The following MADD variants were observed in gnomAD, a reference collection of about 807,000 sequenced individuals.
The protein encoded by MADD is MAP kinase-activating death domain protein.
In MADD, 109 loss-of-function variants were observed where a neutral mutation model predicts 176.7. That is an observed-to-expected ratio of 0.62 (90% confidence interval 0.53 to 0.72). The LOEUF (loss-of-function observed/expected upper bound fraction) is 0.72. MADD is among the 30% of genes least tolerant of loss of function. The pLI is 0.00. For missense variants in MADD, 1,914 were observed against 2,045.5 expected (o/e 0.94, Z 1.24); for synonymous variants, 771 against 771.3 (o/e 1.00, Z 0.01).
At chr11:47,293,144 T>C (rs897065189) in intron 19 of MADD, among the ~76,000 whole-genome samples, 4 of 152,100 alleles carry the variant, frequency 2.6e-5, no homozygotes, top group Non-Finnish European at 4.4e-5. Flanking sequence ...CAGCTGGTGT[T>C]TCTTATCTCA....
rs146167487 is a variant in MADD at position 47,290,759 on chromosome 11, G to C, written c.3244G>C (p.Gly1082Arg). 7.1e-4 allele frequency: 1,139 copies of C among 1,613,998 alleles called. 1 individual carries two copies. The highest frequency in any genetic ancestry group is 8.7e-4 in the Non-Finnish European group (1,024 of 1,179,920). Reference sequence around the variant, plus strand: ...TCGGGCACCAAGTGCCACAGGAAAGGGTCCTAAGGAACTGGACACCAGAAG... The same window carrying C: ...TCGGGCACCAAGTGCCACAGGAAAGCGTCCTAAGGAACTGGACACCAGAAG... Residue 1082 changes from glycine to arginine, a missense_variant, in exon 19 of 33, where the codon GGT becomes CGT. This residue lies in a region of MADD where 1,767 missense variants were observed against 1,836.0 expected (regional missense o/e 0.96). Transcript: ENST00000402192.
rs747155326 is a variant in MADD at position 47,284,467 on chromosome 11, C to T, written c.2059C>T (p.Pro687Ser). The T allele has an allele frequency of 3.1e-6, 5 of 1,614,058 alleles. No homozygotes were observed. In the Admixed American group the frequency reaches 8.3e-5, roughly 27 times the overall value. Residue 687 changes from proline to serine, a missense_variant, in exon 12 of 33, where the codon CCA (proline) becomes TCA (serine). By Grantham distance (74) the Pro-to-Ser change is moderately conservative. Transcript: ENST00000402192. Reference sequence around the variant, plus strand: ...TCAGAAGGAAGCAGAAGAGCCTGGCCCAGACAGTGAGAACTCTCAGGAAAA... The same window carrying T: ...TCAGAAGGAAGCAGAAGAGCCTGGCTCAGACAGTGAGAACTCTCAGGAAAA...
At chr11:47,323,696 G>A (rs547829964) in exon 28 of MADD, 5 of 1,613,830 alleles carry the variant, frequency 3.1e-6, no homozygotes, top group African/African-American at 2.7e-5. Context: ...GTGGTGTTGC[G>A]TAGTAACATC....
intron 22 of MADD, among the ~76,000 whole-genome samples, chr11:47,299,310 T>G (rs923343892): frequency 6.6e-6 from 1 of 152,120 alleles, no homozygotes; most frequent in Non-Finnish European, 1.5e-5. Context: ...GGTATATCTT[T>G]CCATTTTTTC....
chr11:47,289,576 T>C, intron 16 of MADD, 83 bp downstream of exon 17: 1 of 1,156,870 alleles, frequency 8.6e-7, no homozygotes, highest in Admixed American at 1.7e-5. Flanking sequence ...TGCTCAAGAG[T>C]GGGAGAGAAG....
At chr11:47,313,602 A>G (rs1002626858) in intron 26 of MADD, among the ~76,000 whole-genome samples, 4 of 152,076 alleles carry the variant, frequency 2.6e-5, no homozygotes, top group African/African-American at 4.8e-5. Context: ...CTAGGATTAC[A>G]GGCACCCAGC....
At chr11:47,288,196 A>G (rs1049157041) in intron 15 of MADD, among the ~76,000 whole-genome samples, 1 of 152,200 alleles carries the variant, frequency 6.6e-6, no homozygotes, top group Admixed American at 6.5e-5. Flanking sequence ...AGGCAGAGGC[A>G]GGAGGTTCAT....
chr11:47,282,071 T>C (rs1007467725), intron 8 of MADD, among the ~76,000 whole-genome samples: 1 of 151,802 alleles, frequency 6.6e-6, no homozygotes, highest in Non-Finnish European at 1.5e-5. Flanking sequence ...CTGACCTCAG[T>C]TGATCCACCC....
At chr11:47,278,415 A>G (rs2052655810) in intron 6 of MADD, 137 bp downstream of exon 6, 1 of 661,642 alleles carries the variant, frequency 1.5e-6, no homozygotes, top group Non-Finnish European at 2.6e-6. Context: ...ACTTACTGAA[A>G]CAAGTTTTTT....
At chr11:47,281,547 T>A (rs374433244) in intron 7 of MADD, 28 bp from the exon 8 acceptor site, 20 of 1,571,656 alleles carry the variant, frequency 1.3e-5, no homozygotes, top group Non-Finnish European at 1.7e-5. Context: ...ACGTTCCTTG[T>A]GTAAGGAATT....
intron 31 of MADD, 51 bp from the exon 36 acceptor site, chr11:47,328,607 T>C (rs2095716806): frequency 6.2e-7 from 1 of 1,613,300 alleles, no homozygotes; most frequent in South Asian, 1.1e-5. Flanking sequence ...CATGGCACGA[T>C]TGCTCTTAGT....
At chr11:47,271,236 CAA>C (rs1440908981) in intron 1 of MADD, 11 of 152,044 alleles carry the variant, frequency 7.2e-5, no homozygotes, top group African/African-American at 1.9e-4. Context: ...GTTGTGAAGA[CAA>C]GAGTGTGAGT....
chr11:47,307,030 T>A (rs1479195270), intron 22 of MADD, among the ~76,000 whole-genome samples: 1 of 151,870 alleles, frequency 6.6e-6, no homozygotes, highest in African/African-American at 2.4e-5. Flanking sequence ...GCCTCCCAAG[T>A]AGCTGGGACT....
exon 18 of MADD, chr11:47,290,169 C>T (rs142977882): frequency 8.1e-6 from 13 of 1,614,124 alleles, no homozygotes; most frequent in Middle Eastern, 3.3e-4. Context: ...GGAAGGTGTA[C>T]AAGGGAATGT....
chr11:47,320,008 A>C (rs1485846512), intron 27 of MADD, among the ~76,000 whole-genome samples: 2 of 151,314 alleles, frequency 1.3e-5, no homozygotes, highest in Non-Finnish European at 2.9e-5. Flanking sequence ...AAAAAAAAAA[A>C]AAAATTACAA....
chr11:47,296,056 G>A lies in MADD; in HGVS notation c.3642+1G>A. 1.2e-6 allele frequency: 2 copies of A among 1,609,880 alleles called. No homozygotes were observed. The highest frequency in any genetic ancestry group is 1.7e-6 in the Non-Finnish European group (2 of 1,178,864). ...CAACTCTGCCACAAGCACCATCTTTGTAAGCTTTGTTTATTAACAAAAGAA... is the reference window on the plus strand; with the variant it reads ...CAACTCTGCCACAAGCACCATCTTTATAAGCTTTGTTTATTAACAAAAGAA... On this transcript the variant is annotated splice_donor_variant, in intron 22 of 32. Coordinates refer to ENST00000402192, the Ensembl canonical transcript of MADD. LOFTEE classifies it high-confidence loss of function.
At chr11:47,279,459 ACTGCAAG>A (rs2054151617) in intron 7 of MADD, among the ~76,000 whole-genome samples, 1 of 139,560 alleles carries the variant, frequency 7.2e-6, no homozygotes, top group Non-Finnish European at 1.5e-5. Flanking sequence ...ATCTCGGCTC[ACTGCAAG>A]CTCTGCCTTC....
intron 13 of MADD, 67 bp from the exon 14 acceptor site, chr11:47,285,384 T>C: frequency 6.2e-7 from 1 of 1,603,362 alleles, no homozygotes; most frequent in Non-Finnish European, 8.5e-7. Flanking sequence ...TATAGCATAA[T>C]TATGGCCCAT....
rs557907564 is a variant in MADD at position 47,285,007 on chromosome 11, G to T, written c.2224G>T (p.Val742Leu). 68 of 1,614,054 alleles carry T rather than the reference G, an allele frequency of 4.2e-5. No homozygotes were observed. In the South Asian group the frequency reaches 6.8e-4, roughly 16 times the overall value. The change falls in exon 13 of 33, where the codon GTG becomes TTG. Residue 742 changes from valine to leucine, a missense_variant. Transcript: ENST00000402192. ...AGGCGTCTCCAAGCCCCTCCCTTCC[G>T]TGCCTCCCAGCATTGGCAAATCGAA... is the stretch of plus-strand genomic sequence containing the variant.
Sources: gnomAD v4.1 joint callset for allele counts (sites outside exome capture counted in the v4.1 genomes callset) on GRCh38, gnomAD v4.1.1 for gene constraint, gnomAD v4.1.1 regional missense constraint, MANE v1.5 for transcripts, NCBI Gene and HGNC (gene_info 2026-07-23, HGNC 2026-07-21) for gene names.